The following SLC4A4 variants were observed in gnomAD, a reference collection of about 807,000 sequenced individuals.
SLC4A4 encodes the protein solute carrier family 4 member 4.
In SLC4A4, 27 loss-of-function variants were observed where a neutral mutation model predicts 111.5. The observed-to-expected ratio is 0.24, with a 90% CI of 0.18 to 0.33. SLC4A4 has a LOEUF of 0.33. Ranked by LOEUF, SLC4A4 falls within the 10% of genes least tolerant of loss-of-function variation. The pLI is 1.00. For synonymous variants in SLC4A4, 443 were observed against 463.4 expected (o/e 0.96, Z 0.57); for missense variants, 909 against 1,315.5 (o/e 0.69, Z 4.78).
At position 71,172,220 on chromosome 4, in the gene SLC4A4, A is replaced by C. The variant is rs542633529; in HGVS notation, c.-1-64356A>C. ...ATCTCCCTCTTCCAATTCCTTCTTC[A>C]CCATTACATATTCTAGCATAGATAT... On this transcript the variant is annotated intron_variant, in intron 2 of 26. Transcript: ENST00000649996. 3.6e-4 allele frequency among the ~76,000 whole-genome samples: 54 copies of C among 151,766 alleles called. 1 individual carries two copies. The South Asian group carries it at 0.011, about 30-fold the overall frequency.
At chr4:71,497,772 C>G (rs955179109) in intron 16 of SLC4A4, 80 bp downstream of exon 16, 2 of 1,186,182 alleles carry the variant, frequency 1.7e-6, no homozygotes, top group African/African-American at 3.0e-5. Context: ...GTGAAAAAGG[C>G]ACCTGTAATT....
chr4:71,314,544 A>G (rs1022909650), intron 3 of SLC4A4, among the ~76,000 whole-genome samples: 5 of 152,212 alleles, frequency 3.3e-5, no homozygotes, highest in Admixed American at 6.5e-5. Context: ...TTGACTGGAT[A>G]TAGAAAATGT....
At chr4:71,096,920 T>A (rs1742574659) in intron 2 of SLC4A4, among the ~76,000 whole-genome samples, 1 of 152,216 alleles carries the variant, frequency 6.6e-6, no homozygotes, top group Non-Finnish European at 1.5e-5. Context: ...AAAAGCTGAG[T>A]TCTTTTATGA....
At chr4:71,399,517 T>C (rs899011904) in intron 7 of SLC4A4, among the ~76,000 whole-genome samples, 3 of 137,166 alleles carry the variant, frequency 2.2e-5, no homozygotes, top group African/African-American at 8.1e-5. Context: ...CTTCCTTCCT[T>C]CCTCCCTGGT....
chr4:71,196,943 G>A (rs536621474), intron 1 of SLC4A4, among the ~76,000 whole-genome samples: 14 of 150,906 alleles, frequency 9.3e-5, no homozygotes, highest in Non-Finnish European at 1.3e-4. Flanking sequence ...GGCTGGGCAC[G>A]GTGGCTCACG....
chr4:71,244,234 T>C (rs1276840318), intron 2 of SLC4A4, among the ~76,000 whole-genome samples: 1 of 152,252 alleles, frequency 6.6e-6, no homozygotes, highest in African/African-American at 2.4e-5. Context: ...TTCTATGGTT[T>C]AGAGAACATG....
intron 1 of SLC4A4, among the ~76,000 whole-genome samples, chr4:71,195,917 C>G (rs1745979441): frequency 6.6e-6 from 1 of 152,204 alleles, no homozygotes; most frequent in East Asian, 1.9e-4. Flanking sequence ...CTAATACAAA[C>G]CAGGTTTTTG....
chr4:71,385,386 C>T (rs887657113), intron 6 of SLC4A4, among the ~76,000 whole-genome samples: 5 of 150,934 alleles, frequency 3.3e-5, no homozygotes, highest in Admixed American at 1.3e-4. Flanking sequence ...TTAATAGAGA[C>T]GGGGTTTCTC....
chr4:71,382,910 G>A (rs1718292449), intron 6 of SLC4A4, among the ~76,000 whole-genome samples: 1 of 152,158 alleles, frequency 6.6e-6, no homozygotes, highest in Admixed American at 6.5e-5. Flanking sequence ...CCAAAGTTTT[G>A]ATACTGATTC....
chr4:71,093,775 T>C (rs1325072904), intron 2 of SLC4A4, among the ~76,000 whole-genome samples: 2 of 152,236 alleles, frequency 1.3e-5, no homozygotes, highest in African/African-American at 4.8e-5. Context: ...GACCTACCTA[T>C]TTGTTGGTCT....
chr4:71,371,401 T>G lies in SLC4A4; in HGVS notation c.730+14214T>G, dbSNP rs190646820. ...TGGGATTACAGGCGCCCACCACCAC[T>G]CCCAGCTAATTTTTGTATTTTTAGT... On this transcript the variant is annotated intron_variant, in intron 6 of 25. Transcript: ENST00000264485. Among the ~76,000 whole-genome samples the G allele has an allele frequency of 8.4e-3, 1,271 of 151,732 alleles. 21 individuals are homozygous for G. Among genetic ancestry groups the G allele is most frequent in the African/African-American group, 0.027 (1,125 of 41,372 alleles).
At chr4:71,180,166 G>A (rs1343110301) in intron 2 of SLC4A4, among the ~76,000 whole-genome samples, 8 of 152,172 alleles carry the variant, frequency 5.3e-5, no homozygotes, top group Non-Finnish European at 1.2e-4. Context: ...AGCTGAAACA[G>A]GATCCCTTCC....
intron 16 of SLC4A4, 142 bp downstream of exon 16, chr4:71,497,834 G>T: frequency 1.4e-6 from 1 of 719,876 alleles, no homozygotes; most frequent in South Asian, 1.7e-5. Flanking sequence ...TTCAATCTTT[G>T]TTCATGTGCA....
At chr4:71,163,190 G>C (rs1578539806) in intron 2 of SLC4A4, among the ~76,000 whole-genome samples, 2 of 152,170 alleles carry the variant, frequency 1.3e-5, no homozygotes, top group Admixed American at 6.5e-5. Context: ...TTCATAGTGA[G>C]AGTAGTTAGG....
intron 3 of SLC4A4, among the ~76,000 whole-genome samples, chr4:71,259,776 C>A (rs1377303901): frequency 6.6e-6 from 1 of 152,082 alleles, no homozygotes; most frequent in Admixed American, 6.5e-5. Flanking sequence ...CTGTGCCTCC[C>A]ATTTTGTTAG....
In SLC4A4 at chr4:71,279,312, A is replaced by C. The variant is rs1379121255; in HGVS notation, c.253+23913A>C. ...TGAGTATGACATTTTTTTTTCTTTAAGATTCCACATATAAGTGAGATCAAG... is the reference window on the plus strand; with the variant it reads ...TGAGTATGACATTTTTTTTTCTTTACGATTCCACATATAAGTGAGATCAAG... On this transcript the variant is annotated intron_variant, in intron 3 of 25. Coordinates refer to ENST00000264485, the MANE Select transcript of SLC4A4 (RefSeq NM_001098484.3). Among the ~76,000 whole-genome samples, 10 of 152,018 alleles carry C rather than the reference A, an allele frequency of 6.6e-5. No homozygotes were observed. In the East Asian group the frequency reaches 1.9e-3, roughly 29 times the overall value.
chr4:71,173,463 C>T (rs1247044172), intron 2 of SLC4A4, among the ~76,000 whole-genome samples: 1 of 152,198 alleles, frequency 6.6e-6, no homozygotes, highest in African/African-American at 2.4e-5. Flanking sequence ...TCACTGCAAC[C>T]TCCACCTCCT....
intron 7 of SLC4A4, among the ~76,000 whole-genome samples, chr4:71,423,932 C>T (rs1388408749): frequency 3.3e-5 from 5 of 152,110 alleles, no homozygotes; most frequent in African/African-American, 4.8e-5. Flanking sequence ...TAGGCATGGG[C>T]AAGGACTTCA....
chr4:71,455,653 CTTGTG>C (rs1476534818), intron 12 of SLC4A4, among the ~76,000 whole-genome samples: 1 of 152,136 alleles, frequency 6.6e-6, no homozygotes, highest in Non-Finnish European at 1.5e-5. Context: ...TAGAGACTTT[CTTGTG>C]TTGTGCAGAT....
Sources: allele counts gnomAD v4.1 joint callset (sites outside exome capture counted in the v4.1 genomes callset), GRCh38; gene constraint gnomAD v4.1.1; transcripts MANE v1.5; gene names NCBI Gene and HGNC (gene_info 2026-07-23, HGNC 2026-07-21).